Variants in WLS observed in about 807,000 individuals in gnomAD.
WLS encodes the protein Wnt ligand secretion mediator.
A neutral mutation model predicts 62.8 loss-of-function variants in WLS; 23 were observed. That is an observed-to-expected ratio of 0.37 (90% CI 0.26 to 0.52). WLS has a LOEUF of 0.52. WLS is among the 20% of genes least tolerant of loss of function. The pLI is 0.92. For missense variants in WLS, 615 were observed against 697.3 expected (o/e 0.88, Z 1.33); for synonymous variants, 246 against 244.1 (o/e 1.01, Z -0.07).
chr1:68,189,538 T>G (rs542852337), intron 2 of WLS, among the ~76,000 whole-genome samples: 1 of 152,324 alleles, frequency 6.6e-6, no homozygotes, highest in African/African-American at 2.4e-5. Flanking sequence ...TACCGTGATT[T>G]TAGGCACTGG....
chr1:68,147,701 A>G (rs922372278), intron 8 of WLS, among the ~76,000 whole-genome samples: 6 of 152,216 alleles, frequency 3.9e-5, no homozygotes, highest in Non-Finnish European at 7.3e-5. Context: ...TCAGGAATAA[A>G]TAGCAGCAGT....
intron 1 of WLS, among the ~76,000 whole-genome samples, chr1:68,208,472 G>A (rs938526804): frequency 1.3e-5 from 2 of 152,154 alleles, no homozygotes; most frequent in African/African-American, 2.4e-5. Context: ...AGAGGGGGGC[G>A]GTTTACCAGC....
intron 1 of WLS, among the ~76,000 whole-genome samples, chr1:68,208,512 G>C (rs1193425565): frequency 6.6e-6 from 1 of 152,174 alleles, no homozygotes; most frequent in Admixed American, 6.5e-5. Context: ...TGGAAGAGAC[G>C]TTAGAAACAT....
chr1:68,181,163 A>G (rs1481620301), intron 2 of WLS, among the ~76,000 whole-genome samples: 1 of 94,136 alleles, frequency 1.1e-5, no homozygotes, highest in Non-Finnish European at 2.2e-5. Context: ...TGAATTCCCC[A>G]TAAAAGAACC....
chr1:68,228,976 G>T (rs1650290426), intron 1 of WLS, among the ~76,000 whole-genome samples: 1 of 150,550 alleles, frequency 6.6e-6, no homozygotes, highest in Admixed American at 6.6e-5. Context: ...ATTCCTGGAG[G>T]CTAGTTGCTT....
chr1:68,170,104 G>A (rs1300307870), intron 2 of WLS, among the ~76,000 whole-genome samples: 1 of 151,330 alleles, frequency 6.6e-6, no homozygotes, highest in Non-Finnish European at 1.5e-5. Context: ...TGGGTGCCAA[G>A]CACTCAGCAC....
chr1:68,148,636 C>T lies in WLS; in HGVS notation c.997G>A (p.Ala333Thr), dbSNP rs368391265. The T allele has an allele frequency of 4.4e-4, 713 of 1,613,918 alleles. 15 individuals carry two copies. The South Asian group carries it at 7.3e-3, about 16-fold the overall frequency. The stretch of plus-strand genomic sequence containing the variant: ...GGTCCGACTTGCTTCCAATACCCTG[C>T]GATGTGGTTCCGCTCGTGCTGATCC... ...MMDQHERNHI[A>T]GYWKQVGPIA... The change falls in exon 7 of 12, where the codon GCA becomes ACA. Residue 333 changes from alanine (A) to threonine (T), a missense_variant. By Grantham distance (58) the Ala-to-Thr change is moderately conservative. Coordinates refer to ENST00000262348, the MANE Select transcript of WLS (RefSeq NM_024911.7).
chr1:68,162,554 CACGGATGCTG>C, intron 2 of WLS: 1 of 1,587,836 alleles, frequency 6.3e-7, no homozygotes, highest in Non-Finnish European at 8.6e-7. Context: ...AGCATTTCCC[CACGGATGCTG>C]GCCGATCCCG....
intron 11 of WLS, among the ~76,000 whole-genome samples, chr1:68,106,252 C>T (rs1646141098): frequency 6.6e-6 from 1 of 152,156 alleles, no homozygotes; most frequent in African/African-American, 2.4e-5. Context: ...TAGTGCAAGG[C>T]AGCCGGACTC....
chr1:68,181,695 C>T (rs1557502333), intron 2 of WLS, among the ~76,000 whole-genome samples: 1 of 152,146 alleles, frequency 6.6e-6, no homozygotes, highest in Non-Finnish European at 1.5e-5. Context: ...GGAGATCCTG[C>T]CCTGGCTCCA....
intron 1 of WLS, among the ~76,000 whole-genome samples, chr1:68,212,699 G>C (rs1557523581): frequency 6.6e-6 from 1 of 152,204 alleles, no homozygotes; most frequent in East Asian, 1.9e-4. Context: ...CAGCTAAATA[G>C]TTCCACCTTA....
intron 11 of WLS, among the ~76,000 whole-genome samples, chr1:68,105,066 A>T (rs1046701275): frequency 6.6e-6 from 1 of 152,184 alleles, no homozygotes; most frequent in Non-Finnish European, 1.5e-5. Context: ...GCTCTAATTT[A>T]TCCAGACCAG....
chr1:68,215,525 C>T (rs1167084892), intron 1 of WLS, among the ~76,000 whole-genome samples: 1 of 152,016 alleles, frequency 6.6e-6, no homozygotes, highest in Non-Finnish European at 1.5e-5. Flanking sequence ...TATCACTGAC[C>T]ATCAAAATCC....
In WLS at chr1:68,220,410, C is replaced by T. The variant is rs1244507412; in HGVS notation, c.106+11784G>A. Among the ~76,000 whole-genome samples the T allele has an allele frequency of 7.2e-5, 11 of 152,182 alleles. 1 individual carries two copies. Among genetic ancestry groups the T allele is most frequent in the Admixed American group, 7.2e-4 (11 of 15,274 alleles). On this transcript the variant is annotated intron_variant, in intron 1 of 11. Coordinates refer to ENST00000262348, the MANE Select transcript of WLS (RefSeq NM_024911.7). ...TTGATCTAACACCTATGTGCAGGCTCCCAAGAAGATGGAACTCGTTCTCTC... is the reference window on the plus strand; with the variant it reads ...TTGATCTAACACCTATGTGCAGGCTTCCAAGAAGATGGAACTCGTTCTCTC...
intron 11 of WLS, among the ~76,000 whole-genome samples, chr1:68,128,023 T>A (rs1215822631): frequency 6.6e-6 from 1 of 152,178 alleles, no homozygotes; most frequent in African/African-American, 2.4e-5. Flanking sequence ...ACCCAGGAGA[T>A]TCCCTGGCCT....
intron 1 of WLS, among the ~76,000 whole-genome samples, chr1:68,230,777 C>A (rs754234085): frequency 6.6e-6 from 1 of 152,140 alleles, no homozygotes. Flanking sequence ...GAAGCTTCAC[C>A]CACTCTCCTT....
At chr1:68,231,994 T>C (rs1015014962) in intron 1 of WLS, among the ~76,000 whole-genome samples, 200 bp downstream of exon 1, 2 of 151,808 alleles carry the variant, frequency 1.3e-5, no homozygotes, top group Admixed American at 6.6e-5. Flanking sequence ...CAAAACTTTT[T>C]CCCCTCCTTT....
exon 12 of WLS, chr1:68,098,571 A>G: frequency 1.2e-6 from 2 of 1,600,046 alleles, no homozygotes; most frequent in Non-Finnish European, 1.7e-6. Flanking sequence ...ATACAAGTAC[A>G]ATCAATGTGA....
chr1:68,192,046 C>T (rs1648339001), intron 2 of WLS, among the ~76,000 whole-genome samples: 1 of 152,182 alleles, frequency 6.6e-6, no homozygotes, highest in Non-Finnish European at 1.5e-5. Context: ...TAGTTATTTG[C>T]CTGTCATTTC....
Sources: gnomAD v4.1 joint callset for allele counts (sites outside exome capture counted in the v4.1 genomes callset) on GRCh38, gnomAD v4.1.1 for gene constraint, MANE v1.5 for transcripts, NCBI Gene and HGNC (gene_info 2026-07-23, HGNC 2026-07-21) for gene names.